LGALS14: variants seen among roughly 807,000 people sequenced by gnomAD.
LGALS14 encodes placental protein 13-like.
Under a neutral mutation model 14.6 loss-of-function variants are expected in LGALS14, and 14 were observed. That is an observed-to-expected ratio of 0.96 (90% CI 0.64 to 1.50). The LOEUF (loss-of-function observed/expected upper bound fraction) is 1.50, where lower values mean the gene tolerates loss of function less well. Ranked by LOEUF, LGALS14 falls within the 40% of genes most tolerant of loss-of-function variation. The probability of loss-of-function intolerance (pLI) is 0.00; values close to 1 mark genes in which losing one functional copy is unlikely to be tolerated. For missense variants in LGALS14, 180 were observed against 172.0 expected (o/e 1.05, Z -0.26); for synonymous variants, 57 against 63.9 (o/e 0.89, Z 0.51).
chr19:39,706,511 C>A, intron 1 of LGALS14, 86 bp from the exon 2 acceptor site: 1 of 981,590 alleles, frequency 1.0e-6, no homozygotes, highest in Non-Finnish European at 1.6e-6. Context: ...CCTTTGATCT[C>A]TAACCTCCTG....
At chr19:39,705,990 C>A (rs922679981) in intron 1 of LGALS14, 5 of 1,613,794 alleles carry the variant, frequency 3.1e-6, no homozygotes, top group Non-Finnish European at 4.2e-6. Flanking sequence ...GAAGGACGTC[C>A]ATTGCCCTTG....
At chr19:39,704,620 T>A (rs932159361) in intron 1 of LGALS14, 77 bp downstream of exon 1, 13 of 1,401,104 alleles carry the variant, frequency 9.3e-6, no homozygotes, top group East Asian at 2.3e-5. Context: ...TTTTCTGAGT[T>A]GAAAATATGA....
rs778890305 is a variant in LGALS14, at chr19:39,707,191, C to G, written c.106C>G (p.Leu36Val). ...CTTTGACCTCAGCAAGGACCCACAG[C>G]TGGAGGTGAATTTCTACACTGGGAT... ...PILTFVKDPQ[L>V]EVNFYTGMDE... The change falls in exon 3 of 4, where the codon CTG (leucine) becomes GTG (valine). Residue 36 changes from leucine (L) to valine (V), a missense_variant. Physicochemically the swap from Leu to Val is conservative, Grantham distance 32 (BLOSUM62 1). Transcript: ENST00000392052. 2.5e-6 allele frequency: 4 copies of G among 1,613,710 alleles called. No homozygotes were observed. The highest frequency in any genetic ancestry group is 2.5e-6 in the Non-Finnish European group (3 of 1,179,776).
At chr19:39,706,502 C>A in intron 1 of LGALS14, 95 bp from the exon 2 acceptor site, 1 of 896,478 alleles carries the variant, frequency 1.1e-6, no homozygotes, top group Non-Finnish European at 1.8e-6. Context: ...AGAGTCTGAC[C>A]TTTGATCTCT....
chr19:39,707,089 G>A (rs1164340293), intron 2 of LGALS14, 89 bp from the exon 3 acceptor site: 15 of 1,068,936 alleles, frequency 1.4e-5, no homozygotes, highest in Non-Finnish European at 1.0e-5. Context: ...TTTGCCCTGG[G>A]TAAAGGGGGG....
chr19:39,707,444 G>T, intron 3 of LGALS14, 56 bp downstream of exon 3: 3 of 1,469,224 alleles, frequency 2.0e-6, no homozygotes, highest in Non-Finnish European at 2.8e-6. Context: ...AGAGCAGGAG[G>T]CAGCTTTCAT....
chr19:39,705,238 G>A (rs952445588), intron 1 of LGALS14, among the ~76,000 whole-genome samples: 2 of 152,146 alleles, frequency 1.3e-5, no homozygotes, highest in African/African-American at 4.8e-5. Context: ...TCTCTTCCCA[G>A]TAAGAGTGAG....
Position 39,709,357 on chromosome 19 carries a change from A to T in LGALS14, c.*44A>T, listed in dbSNP as rs1255619845. 9.0e-7 allele frequency: 1 copy of T among 1,113,074 alleles called. No individual in the cohort carries two copies. The highest frequency in any genetic ancestry group is 1.5e-5 in the African/African-American group (1 of 64,806). 68.9% of individuals were successfully genotyped at this position (1,113,074 alleles called of 1,614,324 possible). The stretch of plus-strand genomic sequence containing the variant: ...TCATTGTTGAGGAATCCCTCTTTCT[A>T]CCTGACCATGGGATTCCCAGAGCCT... On this transcript the variant is annotated 3_prime_UTR_variant, in exon 4 of 4. Transcript: ENST00000392052.
At chr19:39,707,036 C>A (rs1973724421) in intron 2 of LGALS14, 142 bp from the exon 3 acceptor site, 1 of 680,296 alleles carries the variant, frequency 1.5e-6, no homozygotes, top group Non-Finnish European at 2.6e-6. Context: ...GGAGCTAAAG[C>A]GTCCCCACAG....
chr19:39,705,799 T>C (rs1973705474), intron 1 of LGALS14: 3 of 1,320,274 alleles, frequency 2.3e-6, no homozygotes, highest in Non-Finnish European at 2.1e-6. Context: ...GAGCTGTGAT[T>C]GCACCACTGC....
At chr19:39,705,970 C>T in intron 1 of LGALS14, 1 of 1,613,888 alleles carries the variant, frequency 6.2e-7, no homozygotes, top group Non-Finnish European at 8.5e-7. Flanking sequence ...GTAATGTGTG[C>T]CGCTTCTGGG....
intron 1 of LGALS14, among the ~76,000 whole-genome samples, chr19:39,706,243 C>T (rs1054517486): frequency 6.6e-6 from 1 of 152,084 alleles, no homozygotes; most frequent in Non-Finnish European, 1.5e-5. Context: ...AAAGTTTTAC[C>T]TATATTAACT....
In LGALS14 at chr19:39,709,232, CCATCGATTCCCGCCAG is replaced by C. The variant is rs752025039; in HGVS notation, c.344_359del (p.Arg115LeufsTer2). On this transcript the variant is annotated frameshift_variant, in exon 4 of 4. Coordinates refer to ENST00000392052, the MANE Select transcript of LGALS14 (RefSeq NM_020129.3). LOFTEE classifies it low-confidence loss of function (END_TRUNC). ...ATGGCCAACGCATTTACAACTTTGC[CCATCGATTCCCGCCAG>C]CATCTGTGAAGATGCTGCAAGTCTT... 9 of 1,613,352 alleles carry C rather than the reference CCATCGATTCCCGCCAG, an allele frequency of 5.6e-6. No homozygotes were observed. In the East Asian group the frequency reaches 2.0e-4, roughly 36 times the overall value.
At chr19:39,704,761 G>T (rs10423105) in intron 1 of LGALS14, among the ~76,000 whole-genome samples, 10,376 of 152,146 alleles carry the variant, frequency 0.068, 1,149 homozygotes, top group African/African-American at 0.23. Flanking sequence ...GTGAGGGTGT[G>T]GTGGTGTCTG....
intron 3 of LGALS14, among the ~76,000 whole-genome samples, chr19:39,708,848 A>G (rs943229911): frequency 6.6e-6 from 1 of 152,180 alleles, no homozygotes; most frequent in African/African-American, 2.4e-5. Flanking sequence ...ATGGCCTCGC[A>G]CTAACCCTCT....
chr19:39,704,762 G>A (rs1973690812), intron 1 of LGALS14, among the ~76,000 whole-genome samples: 1 of 152,132 alleles, frequency 6.6e-6, no homozygotes, highest in Non-Finnish European at 1.5e-5. Context: ...TGAGGGTGTG[G>A]TGGTGTCTGA....
Position 39,709,235 on chromosome 19 carries a change from T to C in LGALS14, c.342T>C (p.His114=), listed in dbSNP as rs1236700066. ...GCCAACGCATTTACAACTTTGCCCA[T>C]CGATTCCCGCCAGCATCTGTGAAGA... ...VNGQRIYNFA[H]RFPPASVKML... Residue 114 remains histidine, a synonymous_variant, in exon 4 of 4, where the codon CAT becomes CAC. Coordinates refer to ENST00000392052, the MANE Select transcript of LGALS14 (RefSeq NM_020129.3). The C allele has an allele frequency of 6.2e-7, 1 of 1,613,650 alleles. No homozygotes were observed. The highest frequency in any genetic ancestry group is 1.7e-5 in the Admixed American group (1 of 60,016).
In LGALS14 at chr19:39,708,393, A is replaced by G. The variant is rs149859560; in HGVS notation, c.304-804A>G. On this transcript the variant is annotated intron_variant, in intron 3 of 3. Coordinates refer to ENST00000392052, the MANE Select transcript of LGALS14 (RefSeq NM_020129.3). ...ATTTTGCTCTCACAAATGATGCCGT[A>G]TTAAGTTTTATAGTCAATCCTCTTG... 4.3e-3 allele frequency among the ~76,000 whole-genome samples: 661 copies of G among 152,314 alleles called. 3 individuals carry two copies. Among genetic ancestry groups the G allele is most frequent in the South Asian group, 9.1e-3 (44 of 4,830 alleles).
At chr19:39,707,420 C>G (rs1475462905) in intron 3 of LGALS14, 32 bp downstream of exon 3, 3 of 1,566,916 alleles carry the variant, frequency 1.9e-6, no homozygotes, top group Middle Eastern at 1.7e-4. Flanking sequence ...AGCGCTGGAG[C>G]TCTGTGGGCT....
Sources: gnomAD v4.1 joint callset for allele counts (sites outside exome capture counted in the v4.1 genomes callset) on GRCh38, gnomAD v4.1.1 for gene constraint, MANE v1.5 for transcripts, NCBI Gene and HGNC (gene_info 2026-07-23, HGNC 2026-07-21) for gene names.